Variants in PDGFD observed in about 807,000 individuals in gnomAD.
The protein encoded by PDGFD is platelet derived growth factor D, also known as platelet-derived growth factor D.
A neutral mutation model predicts 44.7 loss-of-function variants in PDGFD; 30 were observed. The ratio of observed to expected loss-of-function variants is 0.67; its 90% CI spans 0.50 to 0.91. The LOEUF (loss-of-function observed/expected upper bound fraction) is 0.91, where lower values mean the gene tolerates loss of function less well. Ranked by LOEUF, PDGFD falls within the 40% of genes least tolerant of loss-of-function variation. The pLI, the probability that PDGFD is intolerant of heterozygous loss-of-function variation, is 0.00. For synonymous variants in PDGFD, 173 were observed against 168.4 expected (o/e 1.03, Z -0.21); for missense variants, 445 against 457.8 (o/e 0.97, Z 0.25).
intron 3 of PDGFD, among the ~76,000 whole-genome samples, chr11:103,961,585 T>A (rs960646005): frequency 6.6e-6 from 1 of 152,152 alleles, no homozygotes; most frequent in African/African-American, 2.4e-5. Flanking sequence ...GAAATTAGAC[T>A]GACAAAGAAG....
At chr11:104,109,794 A>G (rs554886302) in intron 1 of PDGFD, among the ~76,000 whole-genome samples, 1 of 152,294 alleles carries the variant, frequency 6.6e-6, no homozygotes, top group East Asian at 1.9e-4. Context: ...GAATGTTGCA[A>G]AGTAGTCCAT....
At chr11:104,029,650 C>T (rs776140355) in intron 1 of PDGFD, among the ~76,000 whole-genome samples, 1 of 152,214 alleles carries the variant, frequency 6.6e-6, no homozygotes, top group East Asian at 1.9e-4. Context: ...TCTACAAAGA[C>T]TGACCCAAAA....
intron 1 of PDGFD, among the ~76,000 whole-genome samples, chr11:104,116,199 A>G (rs1195635306): frequency 1.3e-5 from 2 of 151,968 alleles, no homozygotes; most frequent in African/African-American, 4.8e-5. Context: ...TTCTGAGTTT[A>G]TTTTTGTATA....
intron 3 of PDGFD, among the ~76,000 whole-genome samples, chr11:103,962,268 C>T (rs1242759019): frequency 6.6e-6 from 1 of 152,092 alleles, no homozygotes; most frequent in African/African-American, 2.4e-5. Flanking sequence ...CTATCTTATC[C>T]CTCAGCAGGG....
At chr11:103,949,801 A>C (rs1286910851) in intron 3 of PDGFD, among the ~76,000 whole-genome samples, 1 of 152,166 alleles carries the variant, frequency 6.6e-6, no homozygotes, top group Non-Finnish European at 1.5e-5. Flanking sequence ...AGGTGGTTGT[A>C]CCTGGGGAGA....
chr11:104,046,602 T>C (rs1388626824), intron 1 of PDGFD, among the ~76,000 whole-genome samples: 2 of 147,506 alleles, frequency 1.4e-5, no homozygotes, highest in East Asian at 3.9e-4. Context: ...AGTATCTGGT[T>C]TGCAAATGTC....
At chr11:104,026,507 C>T (rs1466729958) in intron 1 of PDGFD, among the ~76,000 whole-genome samples, 1 of 151,644 alleles carries the variant, frequency 6.6e-6, no homozygotes, top group Non-Finnish European at 1.5e-5. Flanking sequence ...AACCATGATG[C>T]ACACCACTAA....
chr11:103,998,217 C>T (rs1415241794), intron 2 of PDGFD, among the ~76,000 whole-genome samples: 1 of 152,132 alleles, frequency 6.6e-6, no homozygotes, highest in Non-Finnish European at 1.5e-5. Flanking sequence ...AGCCCCCTTC[C>T]AACCATACCA....
intron 3 of PDGFD, among the ~76,000 whole-genome samples, chr11:103,973,788 T>C (rs1859140126): frequency 6.6e-6 from 1 of 152,182 alleles, no homozygotes; most frequent in African/African-American, 2.4e-5. Flanking sequence ...ATTAGAAATA[T>C]GTTATGCTCA....
At chr11:104,098,878 C>T (rs1861325458) in intron 1 of PDGFD, among the ~76,000 whole-genome samples, 1 of 151,998 alleles carries the variant, frequency 6.6e-6, no homozygotes, top group African/African-American at 2.4e-5. Context: ...ACTGGGCAAG[C>T]CACAAAAAAT....
chr11:104,161,678 C>CCGTT (rs1279421347), intron 1 of PDGFD, among the ~76,000 whole-genome samples: 1 of 152,156 alleles, frequency 6.6e-6, no homozygotes, highest in Non-Finnish European at 1.5e-5. Context: ...GGAACACAGA[C>CCGTT]CGTTGCAATA....
intron 1 of PDGFD, among the ~76,000 whole-genome samples, chr11:104,135,567 T>C (rs2119856074): frequency 6.6e-6 from 1 of 152,292 alleles, no homozygotes; most frequent in Non-Finnish European, 1.5e-5. Context: ...AGTCAGATCA[T>C]CAGCATTACT....
chr11:104,008,340 G>T (rs260842), intron 1 of PDGFD, among the ~76,000 whole-genome samples: 30,085 of 152,044 alleles, frequency 0.2, 3,297 homozygotes, highest in African/African-American at 0.29. Flanking sequence ...CAATGGGTAA[G>T]TGGTCAAACA....
chr11:104,152,128 T>G (rs899440839), intron 1 of PDGFD, among the ~76,000 whole-genome samples: 1 of 152,112 alleles, frequency 6.6e-6, no homozygotes, highest in Non-Finnish European at 1.5e-5. Flanking sequence ...TAACAAGTGG[T>G]TATGTTTTTT....
chr11:104,125,032 T>C (rs963719349), intron 1 of PDGFD, among the ~76,000 whole-genome samples: 1 of 152,162 alleles, frequency 6.6e-6, no homozygotes, highest in Admixed American at 6.6e-5. Flanking sequence ...GCTTTTTGTG[T>C]TGACTAAAGA....
chr11:104,077,586 A>C lies in PDGFD; in HGVS notation c.125-77331T>G, dbSNP rs144151565. Among the ~76,000 whole-genome samples the C allele has an allele frequency of 5.5e-3, 838 of 152,324 alleles. 4 individuals carry two copies. The highest frequency in any genetic ancestry group is 8.0e-3 in the Non-Finnish European group (546 of 68,030). On this transcript the variant is annotated intron_variant, in intron 1 of 6. Transcript: ENST00000393158. The stretch of plus-strand genomic sequence containing the variant: ...GAATATCCCTGTACAGAAGTCCAAA[A>C]GAGAATTAGCATTAAACATGTACAG...
chr11:103,993,670 T>A (rs1859492913), intron 3 of PDGFD, among the ~76,000 whole-genome samples: 2 of 152,134 alleles, frequency 1.3e-5, no homozygotes, highest in Admixed American at 1.3e-4. Context: ...TCAAACCATA[T>A]GTGATCTATC....
intron 6 of PDGFD, among the ~76,000 whole-genome samples, chr11:103,923,853 C>G (rs972848865): frequency 1.3e-5 from 2 of 152,096 alleles, no homozygotes; most frequent in Admixed American, 1.3e-4. Context: ...TTTTATAGAG[C>G]TTTGCAGAGT....
intron 1 of PDGFD, among the ~76,000 whole-genome samples, chr11:104,026,662 C>A (rs974434022): frequency 5.9e-5 from 9 of 152,134 alleles, no homozygotes; most frequent in Non-Finnish European, 1.2e-4. Context: ...GAGCAGTCCC[C>A]TAGGTTTGAA....
Sources: gnomAD v4.1 joint callset for allele counts (sites outside exome capture counted in the v4.1 genomes callset) on GRCh38, gnomAD v4.1.1 for gene constraint, MANE v1.5 for transcripts, NCBI Gene and HGNC (gene_info 2026-07-23, HGNC 2026-07-21) for gene names.